TOM1L1: variants seen among roughly 807,000 people sequenced by gnomAD.
The protein encoded by TOM1L1 is target of myb1 like 1 membrane trafficking protein, also known as TOM1-like protein 1.
In TOM1L1, 64 loss-of-function variants were observed where a neutral mutation model predicts 63.4. That is an observed-to-expected ratio of 1.01 (90% CI 0.83 to 1.24). The LOEUF (loss-of-function observed/expected upper bound fraction) is 1.24, where lower values mean the gene tolerates loss of function less well. TOM1L1 is among the 50% of genes most tolerant of loss of function. The pLI, the probability that TOM1L1 is intolerant of heterozygous loss-of-function variation, is 0.00. For missense variants in TOM1L1, 536 were observed against 567.0 expected (o/e 0.95, Z 0.55); for synonymous variants, 166 against 194.4 (o/e 0.85, Z 1.22).
chr17:54,927,959 A>G (rs2048795284), intron 7 of TOM1L1, among the ~76,000 whole-genome samples: 2 of 152,086 alleles, frequency 1.3e-5, no homozygotes, highest in African/African-American at 4.8e-5. Flanking sequence ...TTGGCTTCAA[A>G]TTCATTTCAA....
chr17:54,903,867 A>C, intron 2 of TOM1L1, 75 bp downstream of exon 2: 1 of 1,371,180 alleles, frequency 7.3e-7, no homozygotes, highest in Non-Finnish European at 1.0e-6. Flanking sequence ...TCTCTTGCAA[A>C]TATTTCGGTT....
At position 54,921,210 on chromosome 17, in the gene TOM1L1, C is replaced by A. The variant is rs1319411819; in HGVS notation, c.720+5348C>A. ...TCTTTAGATCTTATTTGGTTTTGAG[C>A]CTTTGAGGATTTCTCATGCTTTCTT... On this transcript the variant is annotated intron_variant, in intron 7 of 15. Transcript: ENST00000575882. 2.0e-5 allele frequency among the ~76,000 whole-genome samples: 3 copies of A among 151,986 alleles called. No homozygotes were observed. In the South Asian group the frequency reaches 6.2e-4, roughly 32 times the overall value.
rs1567817735 is a variant in TOM1L1 at position 54,903,716 on chromosome 17, A to G, written c.67A>G (p.Thr23Ala). 2.5e-6 allele frequency: 4 copies of G among 1,614,162 alleles called. No individual in the cohort carries two copies. The highest frequency in any genetic ancestry group is 1.1e-5 in the South Asian group (1 of 91,086). ...TSVGHLIEKA[T>A]FAGVQTEDWG... ...CAGCTTTTTCTTGGCAGAAAAGGCT[A>G]CATTTGCTGGAGTTCAGACTGAAGA... Residue 23 changes from threonine (T) to alanine (A), a missense_variant, in exon 2 of 16, where the codon ACA becomes GCA. Thr to Ala is a moderately conservative substitution (Grantham distance 58). Transcript: ENST00000575882.
chr17:54,929,743 T>G (rs1034670961), intron 7 of TOM1L1, among the ~76,000 whole-genome samples: 6 of 149,656 alleles, frequency 4.0e-5, no homozygotes, highest in African/African-American at 1.5e-4. Context: ...AAACATGTGT[T>G]TTTTTTTTTT....
At chr17:54,932,880 A>G (rs1598035074) in intron 8 of TOM1L1, among the ~76,000 whole-genome samples, 1 of 152,242 alleles carries the variant, frequency 6.6e-6, no homozygotes, top group African/African-American at 2.4e-5. Flanking sequence ...ATTGCAAACC[A>G]TGAGACCATT....
intron 5 of TOM1L1, 31 bp from the exon 6 acceptor site, chr17:54,914,608 A>C (rs1397907900): frequency 1.3e-6 from 2 of 1,574,212 alleles, no homozygotes; most frequent in African/African-American, 2.7e-5. Context: ...GTTAATTCAC[A>C]TAATAATATT....
rs768924123 is a variant in TOM1L1, at chr17:54,903,781, T to C, written c.132T>C (p.Thr44=). The C allele has an allele frequency of 1.2e-6, 2 of 1,614,092 alleles. No individual in the cohort carries two copies. The highest frequency in any genetic ancestry group is 1.7e-6 in the Non-Finnish European group (2 of 1,179,902). Residue 44 remains threonine (T), a synonymous_variant, in exon 2 of 16, where the codon ACT becomes ACC. Coordinates refer to ENST00000575882, the MANE Select transcript of TOM1L1 (RefSeq NM_005486.3). ...TGCACATCTGTGACATAATTAACACTACCCAGGATGGGTGAGTACAGCATG... is the reference window on the plus strand; with the variant it reads ...TGCACATCTGTGACATAATTAACACCACCCAGGATGGGTGAGTACAGCATG... ...QFMHICDIIN[T]TQDGPKDAVK...
chr17:54,941,545 T>C (rs891620854), intron 11 of TOM1L1, among the ~76,000 whole-genome samples: 3 of 152,200 alleles, frequency 2.0e-5, no homozygotes, highest in Non-Finnish European at 4.4e-5. Context: ...TGGTAAATAG[T>C]GTGGTTTAAA....
At chr17:54,917,033 TA>T in intron 7 of TOM1L1, 1 of 152,344 alleles carries the variant, frequency 6.6e-6, no homozygotes, top group African/African-American at 2.4e-5. Flanking sequence ...TGATTAATAA[TA>T]TTTTTTTCTA....
Position 54,958,748 on chromosome 17 carries a change from A to AAAAAAAAAAAAAG in TOM1L1, c.1371-1818_1371-1817insAAAAAAAAAAAAG, listed in dbSNP as rs372776781. On this transcript the variant is annotated intron_variant, in intron 14 of 15. Transcript: ENST00000575882. ...TCCATCTCAAAAAAAAAAAAAAAAA[A>AAAAAAAAAAAAAG]GGGGTTGTTGGTAGCTAGAGGATAC... Among the ~76,000 whole-genome samples, 238 of 118,910 alleles carry AAAAAAAAAAAAAG rather than the reference A, an allele frequency of 2.0e-3. 8 individuals are homozygous for AAAAAAAAAAAAAG. Among genetic ancestry groups the AAAAAAAAAAAAAG allele is most frequent in the Middle Eastern group, 4.3e-3 (1 of 230 alleles). 78.0% of individuals were successfully genotyped at this position (118,910 alleles called of 152,430 possible).
At chr17:54,909,970 A>G (rs1303280852) in intron 3 of TOM1L1, among the ~76,000 whole-genome samples, 2 of 152,214 alleles carry the variant, frequency 1.3e-5, no homozygotes, top group Admixed American at 1.3e-4. Context: ...TTCTGGTGAC[A>G]TAATAGAGGA....
intron 14 of TOM1L1, among the ~76,000 whole-genome samples, chr17:54,950,907 A>G (rs958011286): frequency 6.6e-6 from 1 of 152,184 alleles, no homozygotes; most frequent in Admixed American, 6.5e-5. Flanking sequence ...GTGGCCCCCA[A>G]ATATGTGAGG....
At chr17:54,938,838 C>CTTTTTTTTTT in intron 10 of TOM1L1, 86 bp from the exon 11 acceptor site, 4 of 574,824 alleles carry the variant, frequency 7.0e-6, no homozygotes, top group South Asian at 4.0e-5. Context: ...TTTCTTTTTT[C>CTTTTTTTTTT]TTTTTTTTTG....
At chr17:54,937,395 A>C in intron 10 of TOM1L1, 169 bp downstream of exon 10, 1 of 611,470 alleles carries the variant, frequency 1.6e-6, no homozygotes. Flanking sequence ...AGTCAAACCC[A>C]GTATAGCAAT....
At chr17:54,909,916 G>T (rs1026373175) in intron 3 of TOM1L1, among the ~76,000 whole-genome samples, 1 of 152,154 alleles carries the variant, frequency 6.6e-6, no homozygotes, top group Non-Finnish European at 1.5e-5. Flanking sequence ...AATTTGCCAC[G>T]TAGGTTTTAT....
At chr17:54,938,889 G>T in intron 10 of TOM1L1, 35 bp from the exon 11 acceptor site, 1 of 1,351,118 alleles carries the variant, frequency 7.4e-7, no homozygotes. Flanking sequence ...CTGACAAAAT[G>T]TTTTAAAGCC....
chr17:54,949,159 T>A (rs541838046), intron 12 of TOM1L1, among the ~76,000 whole-genome samples: 12 of 151,646 alleles, frequency 7.9e-5, no homozygotes, highest in African/African-American at 2.9e-4. Context: ...TGCCTTGGTC[T>A]CTGGGGTAGC....
chr17:54,951,534 C>G (rs1277823448), intron 14 of TOM1L1, among the ~76,000 whole-genome samples: 1 of 152,222 alleles, frequency 6.6e-6, no homozygotes, highest in East Asian at 1.9e-4. Context: ...TCGAGAGATT[C>G]TGCTTCCAGA....
chr17:54,903,809 T>C lies in TOM1L1; in HGVS notation c.143+17T>C. ...CCAGGATGGGTGAGTACAGCATGGT[T>C]TCCATGTATTTGCCTCTGACAAGAA... On this transcript the variant is annotated intron_variant, in intron 2 of 15. Coordinates refer to ENST00000575882, the MANE Select transcript of TOM1L1 (RefSeq NM_005486.3). The C allele has an allele frequency of 6.2e-7, 1 of 1,605,372 alleles. No homozygotes were observed. Among genetic ancestry groups the C allele is most frequent in the Non-Finnish European group, 8.5e-7 (1 of 1,172,986 alleles).
Sources: gnomAD v4.1 joint callset for allele counts (sites outside exome capture counted in the v4.1 genomes callset) on GRCh38, gnomAD v4.1.1 for gene constraint, MANE v1.5 for transcripts, NCBI Gene and HGNC (gene_info 2026-07-23, HGNC 2026-07-21) for gene names.